The following FAT1 variants were observed in gnomAD, a reference collection of about 807,000 sequenced individuals.
FAT1 encodes protocadherin Fat 1.
In FAT1, 171 loss-of-function variants were observed where a neutral mutation model predicts 329.8. The ratio of observed to expected loss-of-function variants is 0.52; its 90% confidence interval spans 0.46 to 0.59. FAT1 has a LOEUF of 0.59. Among genes scored for constraint, FAT1 ranks in the 20% least tolerant of loss-of-function variants. FAT1 has a pLI of 0.00. For missense variants in FAT1, 5,672 were observed against 5,774.4 expected, an observed-to-expected ratio of 0.98 and a Z score of 0.57; for synonymous variants, 2,233 against 2,228.6, an observed-to-expected ratio of 1.00 and a Z score of -0.06.
rs747809789 is a variant in FAT1 at position 186,619,362 on chromosome 4, G to A, written c.7224C>T (p.Phe2408=). 22 of 1,613,990 alleles carry A rather than the reference G, an allele frequency of 1.4e-5. No homozygotes were observed. The highest frequency in any genetic ancestry group is 6.7e-5 in the Admixed American group (4 of 60,028). Residue 2408 remains phenylalanine, a synonymous_variant, in exon 10 of 27, where the codon TTC becomes TTT. Transcript: ENST00000441802. ...RISEHAPHGH[F]VTCVKAYDAD... ...CATCATAGGCTTTTACACAGGTCAC[G>A]AAATGCCCATGAGGGGCGTGCTCGC... is the stretch of plus-strand genomic sequence containing the variant.
At chr4:186,611,851 T>C (rs564643028) in intron 13 of FAT1, 76 bp from the exon 14 acceptor site, 16 of 1,128,428 alleles carry the variant, frequency 1.4e-5, no homozygotes, top group Non-Finnish European at 1.9e-5. Flanking sequence ...TGAGATGGAG[T>C]CTCCCTCTGT....
Position 186,660,314 on chromosome 4 carries a change from C to T in FAT1, c.3580+2985G>A, listed in dbSNP as rs375098877. Among the ~76,000 whole-genome samples the T allele has an allele frequency of 1.4e-3, 209 of 152,282 alleles. 4 individuals are homozygous for T. The South Asian group carries it at 0.015, about 11-fold the overall frequency. On this transcript the variant is annotated intron_variant, in intron 3 of 26. Transcript: ENST00000441802. ...GCCCTGAGGATCACACCCCAACTTTCTGCTGAGGTGGGGGAAGAGAAGCAT... is the reference window on the plus strand; with the variant it reads ...GCCCTGAGGATCACACCCCAACTTTTTGCTGAGGTGGGGGAAGAGAAGCAT...
intron 7 of FAT1, among the ~76,000 whole-genome samples, chr4:186,631,554 C>T (rs1740593383): frequency 6.6e-6 from 1 of 151,588 alleles, no homozygotes; most frequent in East Asian, 1.9e-4. Flanking sequence ...TAGTGTCTCA[C>T]TGCCCAGCTG....
chr4:186,720,174 C>T (rs998236678), intron 1 of FAT1, among the ~76,000 whole-genome samples: 2 of 152,202 alleles, frequency 1.3e-5, no homozygotes, highest in African/African-American at 4.8e-5. Context: ...AACATCTTGA[C>T]CTCTTCCCTT....
Position 186,611,783 on chromosome 4 carries a change from G to T in FAT1, c.9464-8C>A. 6.5e-7 allele frequency: 1 copy of T among 1,529,744 alleles called. No individual in the cohort carries two copies. The highest frequency in any genetic ancestry group is 8.8e-7 in the Non-Finnish European group (1 of 1,138,408). 94.8% of individuals were successfully genotyped at this position (1,529,744 alleles called of 1,614,324 possible). A position where few individuals can be genotyped will look rare whatever the true frequency, so the allele number is the denominator to read the frequency against. On this transcript the variant is annotated splice_polypyrimidine_tract_variant and splice_region_variant and intron_variant, in intron 13 of 26. Transcript: ENST00000441802. Reference sequence around the variant, plus strand: ...AAATCTTCCGATTTAATCCTATGAAGACATAAAAACATGTCAAAAGATTTT... The same window carrying T: ...AAATCTTCCGATTTAATCCTATGAATACATAAAAACATGTCAAAAGATTTT...
chr4:186,719,281 G>A (rs1454750762), intron 1 of FAT1, among the ~76,000 whole-genome samples: 1 of 152,112 alleles, frequency 6.6e-6, no homozygotes, highest in African/African-American at 2.4e-5. Context: ...TCAAACCTAA[G>A]TTATACGATT....
intron 3 of FAT1, among the ~76,000 whole-genome samples, chr4:186,642,517 A>G (rs1161789220): frequency 6.6e-6 from 1 of 152,222 alleles, no homozygotes; most frequent in Non-Finnish European, 1.5e-5. Flanking sequence ...CTAGAGTGAG[A>G]GAGATAAACT....
At chr4:186,698,245 G>C (rs1321487303) in intron 2 of FAT1, among the ~76,000 whole-genome samples, 1 of 152,206 alleles carries the variant, frequency 6.6e-6, no homozygotes, top group African/African-American at 2.4e-5. Flanking sequence ...CGCGCACTGA[G>C]TCATACACTA....
chr4:186,604,319 C>T lies in FAT1; in HGVS notation c.10548+58G>A, dbSNP rs1021412674. On this transcript the variant is annotated intron_variant, in intron 18 of 26. Transcript: ENST00000441802. ...CTGTTCAAATAGAAGAGGGGAACCA[C>T]GCCAAGCAGCTCTTCTCTATGAATC... is the stretch of plus-strand genomic sequence containing the variant. 74 of 1,426,240 alleles carry T rather than the reference C, an allele frequency of 5.2e-5. 1 individual carries two copies. Among genetic ancestry groups the T allele is most frequent in the Middle Eastern group, 1.8e-4 (1 of 5,526 alleles). The allele number at this position is 1,426,240 out of a possible 1,614,324, so 88.3% of individuals were successfully genotyped here. A position where few individuals can be genotyped will look rare whatever the true frequency, so the allele number is the denominator to read the frequency against.
intron 2 of FAT1, among the ~76,000 whole-genome samples, chr4:186,694,521 A>G (rs2126665151): frequency 6.6e-6 from 1 of 152,378 alleles, no homozygotes; most frequent in Non-Finnish European, 1.5e-5. Flanking sequence ...TAAAATAAGA[A>G]AACTACTTTT....
rs2126358310 is a variant in FAT1, at chr4:186,589,222, T to A, written c.13139-2A>T. ...AATCTGATGTATCCCAGTGATACCC[T>A]TGGTGGAAAAGAAAACAGATGTCAG... On this transcript the variant is annotated splice_acceptor_variant, in intron 26 of 26. Transcript: ENST00000441802. LOFTEE classifies it high-confidence loss of function. 2 of 1,595,064 alleles carry A rather than the reference T, an allele frequency of 1.3e-6. No individual in the cohort carries two copies. Among genetic ancestry groups the A allele is most frequent in the African/African-American group, 2.7e-5 (2 of 74,238 alleles).
chr4:186,643,220 C>T (rs538917691), intron 3 of FAT1, among the ~76,000 whole-genome samples: 21 of 152,244 alleles, frequency 1.4e-4, no homozygotes, highest in Admixed American at 4.6e-4. Flanking sequence ...ATGGAGAACG[C>T]GCTCCCCACG....
chr4:186,684,437 G>C (rs541061185), intron 2 of FAT1, among the ~76,000 whole-genome samples: 1 of 152,104 alleles, frequency 6.6e-6, no homozygotes, highest in African/African-American at 2.4e-5. Flanking sequence ...GTCGGCTCTC[G>C]TAGGAGACGT....
rs1368950924 is a variant in FAT1, at chr4:186,588,521, A to G, written c.*71T>C. On this transcript the variant is annotated 3_prime_UTR_variant, in exon 27 of 27. Coordinates refer to ENST00000441802, the MANE Select transcript of FAT1 (RefSeq NM_005245.4). ...AAAAAAAGCTTGGAAGCACTGCTGC[A>G]AAGAACAGCGCGGATTACTCACATC... 15 of 1,515,032 alleles carry G rather than the reference A, an allele frequency of 9.9e-6. No individual in the cohort carries two copies. The highest frequency in any genetic ancestry group is 2.1e-5 in the Admixed American group (1 of 47,778). The allele number at this position is 1,515,032 out of a possible 1,614,324, so 93.8% of individuals were successfully genotyped here. A position where few individuals can be genotyped will look rare whatever the true frequency, so the allele number is the denominator to read the frequency against.
At chr4:186,626,707 A>G (rs1208451992) in intron 9 of FAT1, among the ~76,000 whole-genome samples, 2 of 145,932 alleles carry the variant, frequency 1.4e-5, no homozygotes, top group South Asian at 2.2e-4. Context: ...AGTGAGCTTC[A>G]TCAGCCCACA....
intron 2 of FAT1, among the ~76,000 whole-genome samples, chr4:186,668,967 A>G (rs1742599815): frequency 6.6e-6 from 1 of 152,172 alleles, no homozygotes; most frequent in South Asian, 2.1e-4. Flanking sequence ...ACTTTTTTAT[A>G]TAGTGGGTTA....
rs1561010184 is a variant in FAT1, at chr4:186,708,392, C to A, written c.1436G>T (p.Gly479Val). ...KAAFDENVPI[G>V]TTVMSLSAVD... ...GGCACTCAGGCTCATGACAGTAGTA[C>A]CAATGGGCACGTTCTCATCAAAAGC... The change falls in exon 2 of 27, where the codon GGT becomes GTT. Residue 479 changes from glycine (G) to valine (V), a missense_variant. Coordinates refer to ENST00000441802, the MANE Select transcript of FAT1 (RefSeq NM_005245.4). 6.2e-7 allele frequency: 1 copy of A among 1,613,940 alleles called. No homozygotes were observed. Among genetic ancestry groups the A allele is most frequent in the Non-Finnish European group, 8.5e-7 (1 of 1,179,874 alleles).
intron 17 of FAT1, among the ~76,000 whole-genome samples, chr4:186,605,262 G>A (rs1739054299): frequency 6.8e-6 from 1 of 146,556 alleles, no homozygotes; most frequent in Non-Finnish European, 1.5e-5. Flanking sequence ...AAGAGGAGGA[G>A]TGGGGAGGAG....
rs185566918 is a variant in FAT1 at position 186,628,058 on chromosome 4, T to C, written c.4810+96A>G. 825 of 1,328,698 alleles carry C rather than the reference T, an allele frequency of 6.2e-4. 2 individuals carry two copies. Among genetic ancestry groups the C allele is most frequent in the East Asian group, 3.7e-3 (147 of 39,542 alleles). 82.3% of individuals were successfully genotyped at this position (1,328,698 alleles called of 1,614,324 possible). ...AATTTAAGCCATTTTTGCAGATACATAGAAATGCTTCAATACCCAGAACTG... is the reference window on the plus strand; with the variant it reads ...AATTTAAGCCATTTTTGCAGATACACAGAAATGCTTCAATACCCAGAACTG... On this transcript the variant is annotated intron_variant, in intron 9 of 26. Coordinates refer to ENST00000441802, the MANE Select transcript of FAT1 (RefSeq NM_005245.4).
Sources: allele counts gnomAD v4.1 joint callset (sites outside exome capture counted in the v4.1 genomes callset), GRCh38; gene constraint gnomAD v4.1.1; transcripts MANE v1.5; gene names NCBI Gene and HGNC (gene_info 2026-07-23, HGNC 2026-07-21).